PRSS12: variants seen among roughly 807,000 people sequenced by gnomAD.
The protein encoded by PRSS12 is serine protease 12.
In PRSS12, 85 loss-of-function variants were observed where a neutral mutation model predicts 104.4. That is an observed-to-expected ratio of 0.81 (90% CI 0.68 to 0.98). PRSS12 has a LOEUF of 0.98. Ranked by LOEUF, PRSS12 falls within the 50% of genes least tolerant of loss-of-function variation. PRSS12 has a pLI of 0.00. For synonymous variants in PRSS12, 454 were observed against 425.2 expected (o/e 1.07, Z -0.83); for missense variants, 1,141 against 1,139.2 (o/e 1.00, Z -0.02).
In PRSS12 at chr4:118,318,445, C is replaced by A; in HGVS notation, c.1083G>T (p.Lys361Asn). The A allele has an allele frequency of 6.2e-7, 1 of 1,614,128 alleles. No individual in the cohort carries two copies. Residue 361 changes from lysine to asparagine, a missense_variant, in exon 5 of 13, where the codon AAG (lysine) becomes AAT (asparagine). Transcript: ENST00000296498. Reference protein sequence around the residue: ...GNELSIEQCPKSSWGEHNCGH... With the variant: ...GNELSIEQCPNSSWGEHNCGH... Reference sequence around the variant, plus strand: ...CACAGTTATGCTCTCCCCAGGAGCTCTTTGGACACTGCTCAATTGAAAGCT... The same window carrying A: ...CACAGTTATGCTCTCCCCAGGAGCTATTTGGACACTGCTCAATTGAAAGCT...
At chr4:118,332,782 A>G (rs1723961584) in intron 3 of PRSS12, among the ~76,000 whole-genome samples, 1 of 152,206 alleles carries the variant, frequency 6.6e-6, no homozygotes, top group African/African-American at 2.4e-5. Context: ...ATAAACCTAG[A>G]AAAGACACTC....
Position 118,335,587 on chromosome 4 carries a change from T to C in PRSS12, c.706A>G (p.Asn236Asp). The change falls in exon 3 of 13, where the codon AAT becomes GAT. Residue 236 changes from asparagine to aspartate, a missense_variant. Coordinates refer to ENST00000296498, the MANE Select transcript of PRSS12 (RefSeq NM_003619.4). ...GLGLIPIYWS[N>D]VRCRGDEENI... is the part of the protein sequence containing the mutation. ...TCTTCATCTCCTCGGCAACGGACAT[T>C]GCTCCAATAAATGGGAATAAGGCCC... The C allele has an allele frequency of 6.2e-7, 1 of 1,614,104 alleles. No individual in the cohort carries two copies. The highest frequency in any genetic ancestry group is 8.5e-7 in the Non-Finnish European group (1 of 1,179,982).
chr4:118,300,238 C>T (rs1743373586), intron 8 of PRSS12, among the ~76,000 whole-genome samples: 1 of 152,016 alleles, frequency 6.6e-6, no homozygotes, highest in Non-Finnish European at 1.5e-5. Context: ...ATCTCCAACT[C>T]CTGACCTCAA....
intron 5 of PRSS12, among the ~76,000 whole-genome samples, chr4:118,317,227 T>C (rs1433675970): frequency 6.6e-6 from 1 of 152,164 alleles, no homozygotes; most frequent in Non-Finnish European, 1.5e-5. Flanking sequence ...AATTTGAATC[T>C]TATTAACTCA....
At chr4:118,349,134 C>T (rs1310257256) in intron 1 of PRSS12, among the ~76,000 whole-genome samples, 2 of 152,162 alleles carry the variant, frequency 1.3e-5, no homozygotes, top group African/African-American at 4.8e-5. Flanking sequence ...ACACCAACTT[C>T]CTCATTTTTC....
chr4:118,317,552 G>A (rs1723477548), intron 5 of PRSS12, among the ~76,000 whole-genome samples: 1 of 152,092 alleles, frequency 6.6e-6, no homozygotes, highest in Non-Finnish European at 1.5e-5. Flanking sequence ...TTTGAAGGAG[G>A]GGAAAATGGC....
At chr4:118,314,239 T>C (rs1463812583) in intron 6 of PRSS12, among the ~76,000 whole-genome samples, 1 of 152,156 alleles carries the variant, frequency 6.6e-6, no homozygotes, top group Non-Finnish European at 1.5e-5. Context: ...AATAATTCCC[T>C]TACTTGATGT....
intron 9 of PRSS12, among the ~76,000 whole-genome samples, chr4:118,298,155 A>C (rs1320765579): frequency 6.6e-6 from 1 of 151,920 alleles, no homozygotes; most frequent in Admixed American, 6.6e-5. Flanking sequence ...AAAAAAAAAA[A>C]AAAAATTAAA....
chr4:118,335,773 G>A, intron 2 of PRSS12, 122 bp from the exon 3 acceptor site: 1 of 948,664 alleles, frequency 1.1e-6, no homozygotes, highest in Non-Finnish European at 1.7e-6. Flanking sequence ...AACAAAGAAA[G>A]AAAGAAGAAA....
Position 118,318,417 on chromosome 4 carries a change from G to C in PRSS12, c.1111C>G (p.His371Asp), listed in dbSNP as rs768897383. Reference sequence around the variant, plus strand: ...CAGGACACTCCAGCATCTTCTTTATGGCCACAGTTATGCTCTCCCCAGGAG... The same window carrying C: ...CAGGACACTCCAGCATCTTCTTTATCGCCACAGTTATGCTCTCCCCAGGAG... ...KSSWGEHNCG[H>D]KEDAGVSCTP... The change falls in exon 5 of 13, where the codon CAT becomes GAT. Residue 371 changes from histidine (H) to aspartate (D), a missense_variant. Physicochemically the swap from His to Asp is moderately conservative, Grantham distance 81. Coordinates refer to ENST00000296498, the MANE Select transcript of PRSS12 (RefSeq NM_003619.4). The C allele has an allele frequency of 1.2e-6, 2 of 1,614,026 alleles. No homozygotes were observed. Among genetic ancestry groups the C allele is most frequent in the Non-Finnish European group, 1.7e-6 (2 of 1,179,964 alleles).
At chr4:118,323,741 T>G (rs931758284) in intron 4 of PRSS12, among the ~76,000 whole-genome samples, 4 of 151,702 alleles carry the variant, frequency 2.6e-5, no homozygotes, top group Non-Finnish European at 5.9e-5. Flanking sequence ...ACCAATAGGC[T>G]GGAAGAAACA....
rs1008018770 is a variant in PRSS12 at position 118,352,413 on chromosome 4, G to A, written c.308C>T (p.Thr103Met). 6.5e-7 allele frequency: 1 copy of A among 1,534,284 alleles called. No individual in the cohort carries two copies. Among genetic ancestry groups the A allele is most frequent in the Non-Finnish European group, 8.7e-7 (1 of 1,144,682 alleles). Residue 103 changes from threonine to methionine, a missense_variant, in exon 1 of 13, where the codon ACG becomes ATG. Physicochemically the swap from Thr to Met is moderately conservative, Grantham distance 81. Transcript: ENST00000296498. ...CCGCAGACACGGGGCGCCGAAGTCCGTCACGCTGACCCATGGCTCGCCGGC... is the reference window on the plus strand; with the variant it reads ...CCGCAGACACGGGGCGCCGAAGTCCATCACGCTGACCCATGGCTCGCCGGC... Reference protein sequence around the residue: ...CPAGEPWVSVTDFGAPCLRWA... With the variant: ...CPAGEPWVSVMDFGAPCLRWA...
At position 118,281,830 on chromosome 4, in the gene PRSS12, A is replaced by ATG; in HGVS notation, c.*105_*106insCA. 1.3e-6 allele frequency: 1 copy of ATG among 764,346 alleles called. No homozygotes were observed. The highest frequency in any genetic ancestry group is 2.4e-6 in the Non-Finnish European group (1 of 418,002). The allele number at this position is 764,346 out of a possible 1,614,324, so 47.3% of individuals were successfully genotyped here. A position where few individuals can be genotyped will look rare whatever the true frequency, so the allele number is the denominator to read the frequency against. On this transcript the variant is annotated 3_prime_UTR_variant, in exon 13 of 13. Transcript: ENST00000296498. ...TACACAATTTTTTACCACAACACAA[A>ATG]GCAAAAACAGATCTTGCCATTTGTT...
Position 118,282,045 on chromosome 4 carries a change from A to G in PRSS12, c.2519T>C (p.Val840Ala). Residue 840 changes from valine to alanine, a missense_variant, in exon 13 of 13, where the codon GTG becomes GCG. Physicochemically the swap from Val to Ala is moderately conservative, Grantham distance 64. Transcript: ENST00000296498. ...MCERPGESWV[V>A]YGVTSWGYGC... ...ATACCCCCAGGAGGTCACCCCATAC[A>G]CCACCCAGCTCTCTCCGGGCCGTTC... 2 of 1,614,092 alleles carry G rather than the reference A, an allele frequency of 1.2e-6. No homozygotes were observed. Among genetic ancestry groups the G allele is most frequent in the Non-Finnish European group, 1.7e-6 (2 of 1,180,008 alleles).
Position 118,282,876 on chromosome 4 carries a change from G to C in PRSS12, c.2275C>G (p.Gln759Glu), listed in dbSNP as rs1226921573. 6.2e-7 allele frequency: 1 copy of C among 1,614,174 alleles called. No homozygotes were observed. The highest frequency in any genetic ancestry group is 8.5e-7 in the Non-Finnish European group (1 of 1,180,038). Reference protein sequence around the residue: ...ACLPLWRERPQKTASNCYITG... With the variant: ...ACLPLWRERPEKTASNCYITG... Reference sequence around the variant, plus strand: ...ATGTAACAGTTGGATGCTGTTTTCTGTGGCCTCTCTCTCCAGAGTGGTAAA... The same window carrying C: ...ATGTAACAGTTGGATGCTGTTTTCTCTGGCCTCTCTCTCCAGAGTGGTAAA... The change falls in exon 12 of 13, where the codon CAG (glutamine) becomes GAG (glutamate). Residue 759 changes from glutamine (Q) to glutamate (E), a missense_variant. By Grantham distance (29) the Gln-to-Glu change is conservative. Transcript: ENST00000296498.
chr4:118,297,058 T>A (rs1405633921), intron 9 of PRSS12, among the ~76,000 whole-genome samples: 2 of 152,168 alleles, frequency 1.3e-5, no homozygotes, highest in Non-Finnish European at 2.9e-5. Flanking sequence ...TTATTTAAAA[T>A]TTTTTAAAAG....
intron 5 of PRSS12, among the ~76,000 whole-genome samples, chr4:118,317,340 C>A (rs1323334497): frequency 6.6e-6 from 1 of 152,044 alleles, no homozygotes; most frequent in Non-Finnish European, 1.5e-5. Context: ...CCATTTCCAA[C>A]CAAAATAATC....
chr4:118,282,078 A>T lies in PRSS12; in HGVS notation c.2486T>A (p.Leu829His). 1 of 1,614,114 alleles carries T rather than the reference A, an allele frequency of 6.2e-7. No individual in the cohort carries two copies. The highest frequency in any genetic ancestry group is 8.5e-7 in the Non-Finnish European group (1 of 1,180,034). ...DSCQGDSGGP[L>H]MCERPGESWV... Reference sequence around the variant, plus strand: ...GCTCTCTCCGGGCCGTTCACACATGAGTGGTCCTCCGCTGTCTCCCTGGCA... The same window carrying T: ...GCTCTCTCCGGGCCGTTCACACATGTGTGGTCCTCCGCTGTCTCCCTGGCA... Residue 829 changes from leucine to histidine, a missense_variant, in exon 13 of 13, where the codon CTC (leucine) becomes CAC (histidine). By Grantham distance (99) the Leu-to-His change is moderately conservative. Transcript: ENST00000296498.
intron 11 of PRSS12, among the ~76,000 whole-genome samples, chr4:118,287,419 A>C (rs1382045485): frequency 6.6e-6 from 1 of 152,196 alleles, no homozygotes. Flanking sequence ...TGAAGTGCTG[A>C]GATTATAGGT....
Sources: gnomAD v4.1 joint callset for allele counts (sites outside exome capture counted in the v4.1 genomes callset) on GRCh38, gnomAD v4.1.1 for gene constraint, MANE v1.5 for transcripts, NCBI Gene and HGNC (gene_info 2026-07-23, HGNC 2026-07-21) for gene names.